LNPEP: variants seen among roughly 807,000 people sequenced by gnomAD.
LNPEP encodes leucyl and cystinyl aminopeptidase, also known as leucyl-cystinyl aminopeptidase.
In LNPEP, 64 loss-of-function variants were observed where a neutral mutation model predicts 120.6. The observed-to-expected ratio is 0.53, with a 90% confidence interval of 0.43 to 0.65. The LOEUF (loss-of-function observed/expected upper bound fraction) is 0.65, where lower values mean the gene tolerates loss of function less well. Ranked by LOEUF, LNPEP falls within the 30% of genes least tolerant of loss-of-function variation. The pLI, the probability that LNPEP is intolerant of heterozygous loss-of-function variation, is 0.00. For missense variants in LNPEP, 1,057 were observed against 1,200.0 expected, an observed-to-expected ratio of 0.88 and a Z score of 1.76; for synonymous variants, 435 against 425.4, an observed-to-expected ratio of 1.02 and a Z score of -0.28.
At chr5:96,977,966 G>A (rs1561438159) in intron 1 of LNPEP, among the ~76,000 whole-genome samples, 1 of 152,106 alleles carries the variant, frequency 6.6e-6, no homozygotes, top group East Asian at 1.9e-4. Context: ...CTAAATAGCT[G>A]TGTGACTTTA....
In LNPEP at chr5:97,030,089, A is replaced by G. The variant is rs937397760; in HGVS notation, c.*1556A>G. 24 of 152,024 alleles carry G rather than the reference A, an allele frequency of 1.6e-4. No individual in the cohort carries two copies. The highest frequency in any genetic ancestry group is 1.3e-4 in the Non-Finnish European group (9 of 67,994). 9.4% of individuals were successfully genotyped at this position (152,024 alleles called of 1,614,324 possible). A position where few individuals can be genotyped will look rare whatever the true frequency, so the allele number is the denominator to read the frequency against. On this transcript the variant is annotated 3_prime_UTR_variant, in exon 18 of 18. Coordinates refer to ENST00000231368, the MANE Select transcript of LNPEP (RefSeq NM_005575.3). ...TTCGGCAGGTATCAAGTTAGAATGT[A>G]TGGAATTGTGAATAAAATTATATTT... is the stretch of plus-strand genomic sequence containing the variant.
intron 1 of LNPEP, among the ~76,000 whole-genome samples, chr5:96,963,493 C>T (rs1168251596): frequency 6.6e-6 from 1 of 152,128 alleles, no homozygotes; most frequent in Non-Finnish European, 1.5e-5. Context: ...TGGCTTTTGA[C>T]TGGGTTTGGC....
intron 1 of LNPEP, among the ~76,000 whole-genome samples, chr5:96,964,487 A>G (rs1202944063): frequency 6.6e-6 from 1 of 151,996 alleles, no homozygotes; most frequent in African/African-American, 2.4e-5. Flanking sequence ...CTCTCTTTAT[A>G]TTTTGAATAC....
intron 1 of LNPEP, among the ~76,000 whole-genome samples, chr5:96,950,030 T>C (rs1020055585): frequency 1.8e-4 from 28 of 152,180 alleles, no homozygotes; most frequent in African/African-American, 5.1e-4. Context: ...AACATTCTTA[T>C]TAGTGTTCAT....
At chr5:97,022,904 A>T (rs575542243) in intron 14 of LNPEP, among the ~76,000 whole-genome samples, 9 of 150,784 alleles carry the variant, frequency 6.0e-5, no homozygotes, top group African/African-American at 2.2e-4. Flanking sequence ...AAGACTTTTT[A>T]AAAAATTGTG....
intron 1 of LNPEP, among the ~76,000 whole-genome samples, chr5:96,969,939 G>T (rs1789821553): frequency 6.6e-6 from 1 of 150,874 alleles, no homozygotes. Flanking sequence ...TTTCTTCTTT[G>T]ACTTATGGAT....
intron 1 of LNPEP, among the ~76,000 whole-genome samples, chr5:96,969,021 A>G (rs192470255): frequency 1.9e-4 from 29 of 152,242 alleles, no homozygotes; most frequent in South Asian, 4.1e-4. Context: ...TGTGACCTGA[A>G]CAACTGCAGA....
chr5:97,031,237 A>G lies in LNPEP; in HGVS notation c.*2704A>G, dbSNP rs879843751. On this transcript the variant is annotated 3_prime_UTR_variant, in exon 18 of 18. Coordinates refer to ENST00000231368, the MANE Select transcript of LNPEP (RefSeq NM_005575.3). ...AGAAATGTTTATGCTTTGGAGATCT[A>G]AAAAAGTTATGAATGTAGGAATTAG... The G allele has an allele frequency of 2.0e-5, 3 of 151,804 alleles. No individual in the cohort carries two copies. Among genetic ancestry groups the G allele is most frequent in the Non-Finnish European group, 4.4e-5 (3 of 67,982 alleles). The allele number at this position is 151,804 out of a possible 1,614,324, so 9.4% of individuals were successfully genotyped here.
intron 7 of LNPEP, among the ~76,000 whole-genome samples, chr5:96,997,065 T>G (rs1452215319): frequency 2.0e-5 from 3 of 152,048 alleles, no homozygotes; most frequent in Non-Finnish European, 4.4e-5. Flanking sequence ...CAGAGAAGTA[T>G]AATAGTGGTG....
At chr5:97,011,673 T>G (rs1790932226) in intron 11 of LNPEP, among the ~76,000 whole-genome samples, 1 of 152,260 alleles carries the variant, frequency 6.6e-6, no homozygotes, top group Non-Finnish European at 1.5e-5. Flanking sequence ...GAGCAGCCAC[T>G]GCTGCCATCA....
chr5:97,034,862 C>T lies in LNPEP; in HGVS notation c.*6329C>T, dbSNP rs1186236292. 6.6e-6 allele frequency: 1 copy of T among 151,996 alleles called. No individual in the cohort carries two copies. Among genetic ancestry groups the T allele is most frequent in the African/African-American group, 2.4e-5 (1 of 41,386 alleles). 9.4% of individuals were successfully genotyped at this position (151,996 alleles called of 1,614,324 possible). A position where few individuals can be genotyped will look rare whatever the true frequency, so the allele number is the denominator to read the frequency against. On this transcript the variant is annotated 3_prime_UTR_variant, in exon 18 of 18. Coordinates refer to ENST00000231368, the MANE Select transcript of LNPEP (RefSeq NM_005575.3). Reference sequence around the variant, plus strand: ...AAAATATCCCATACTCCCCATCCCTCATTGCCTAGGGGGCAATGGTAGAAT... The same window carrying T: ...AAAATATCCCATACTCCCCATCCCTTATTGCCTAGGGGGCAATGGTAGAAT...
chr5:97,003,609 A>G lies in LNPEP; in HGVS notation c.1785+63A>G. 2.5e-6 allele frequency: 3 copies of G among 1,200,978 alleles called. No homozygotes were observed. The South Asian group carries it at 4.9e-5, about 20-fold the overall frequency. The allele number at this position is 1,200,978 out of a possible 1,614,324, so 74.4% of individuals were successfully genotyped here. On this transcript the variant is annotated intron_variant, in intron 9 of 17. Transcript: ENST00000231368. Reference sequence around the variant, plus strand: ...AAAAGAGAGGAGTTCGTCTATTTATACTTTTTAGCATGTGTGTAAGTTAAT... The same window carrying G: ...AAAAGAGAGGAGTTCGTCTATTTATGCTTTTTAGCATGTGTGTAAGTTAAT...
Position 97,034,398 on chromosome 5 carries a change from T to G in LNPEP, c.*5865T>G, listed in dbSNP as rs1791531911. On this transcript the variant is annotated 3_prime_UTR_variant, in exon 18 of 18. Coordinates refer to ENST00000231368, the MANE Select transcript of LNPEP (RefSeq NM_005575.3). ...TAGAGTAGTTATTTAAGGGATTTTG[T>G]TTTTTTGTTTTTTTGTTTTTTTTTT... 7.1e-6 allele frequency: 1 copy of G among 139,960 alleles called. No individual in the cohort carries two copies. Among genetic ancestry groups the G allele is most frequent in the Non-Finnish European group, 1.5e-5 (1 of 66,386 alleles). The allele number at this position is 139,960 out of a possible 1,614,324, so 8.7% of individuals were successfully genotyped here.
intron 1 of LNPEP, chr5:96,962,513 T>A (rs1337313438): frequency 6.6e-6 from 1 of 152,172 alleles, no homozygotes; most frequent in African/African-American, 2.4e-5. Flanking sequence ...ATAGATAATA[T>A]TATTATCCCC....
At chr5:96,948,314 C>T (rs976919881) in intron 1 of LNPEP, among the ~76,000 whole-genome samples, 3 of 152,122 alleles carry the variant, frequency 2.0e-5, no homozygotes, top group East Asian at 1.9e-4. Context: ...GACAGGGTTA[C>T]ACCCTATTGG....
intron 11 of LNPEP, among the ~76,000 whole-genome samples, chr5:97,009,222 G>A (rs1790866471): frequency 6.6e-6 from 1 of 152,094 alleles, no homozygotes; most frequent in Non-Finnish European, 1.5e-5. Context: ...TCTTAGCTCA[G>A]CCATTGCTTG....
At chr5:96,988,334 C>CTT (rs1293064236) in intron 4 of LNPEP, among the ~76,000 whole-genome samples, 3 of 115,478 alleles carry the variant, frequency 2.6e-5, no homozygotes, top group African/African-American at 1.0e-4. Flanking sequence ...TTTTCTTTTT[C>CTT]TTTTCTTTTT....
intron 1 of LNPEP, 32 bp downstream of exon 1, chr5:96,936,206 G>C (rs1457993427): frequency 7.0e-7 from 1 of 1,423,686 alleles, no homozygotes; most frequent in Non-Finnish European, 9.2e-7. Flanking sequence ...CGGGACCCGG[G>C]CTCTCCGGAG....
intron 1 of LNPEP, among the ~76,000 whole-genome samples, chr5:96,948,204 A>G (rs1000359971): frequency 3.4e-5 from 5 of 149,208 alleles, no homozygotes; most frequent in African/African-American, 7.4e-5. Context: ...TGCAACCTCT[A>G]CCTCCCGGGT....
Sources: gnomAD v4.1 joint callset for allele counts (sites outside exome capture counted in the v4.1 genomes callset) on GRCh38, gnomAD v4.1.1 for gene constraint, MANE v1.5 for transcripts, NCBI Gene and HGNC (gene_info 2026-07-23, HGNC 2026-07-21) for gene names.